Variants in MTA3 observed in about 807,000 individuals in gnomAD.
MTA3 encodes metastasis-associated protein MTA3.
MTA3 carries 34 observed loss-of-function variants against 83.5 expected under a neutral mutation model. The ratio of observed to expected loss-of-function variants is 0.41; its 90% CI spans 0.31 to 0.54. The LOEUF is 0.54. MTA3 is among the 20% of genes least tolerant of loss of function. The pLI is 0.33. For synonymous variants in MTA3, 303 were observed against 252.7 expected (o/e 1.20, Z -1.89); for missense variants, 761 against 726.4 (o/e 1.05, Z -0.55).
chr2:42,629,914 G>A (rs959590161), intron 4 of MTA3, among the ~76,000 whole-genome samples: 1 of 151,992 alleles, frequency 6.6e-6, no homozygotes, highest in African/African-American at 2.4e-5. Context: ...GAGTAGCTGG[G>A]ATTACAGCGG....
chr2:42,672,234 C>T (rs1360563489), intron 8 of MTA3, among the ~76,000 whole-genome samples: 3 of 151,804 alleles, frequency 2.0e-5, no homozygotes, highest in Non-Finnish European at 4.4e-5. Flanking sequence ...TGTTGGTGTA[C>T]ACCTGTAATC....
intron 3 of MTA3, among the ~76,000 whole-genome samples, chr2:42,597,079 T>G (rs921869941): frequency 6.6e-6 from 1 of 151,850 alleles, no homozygotes; most frequent in Non-Finnish European, 1.5e-5. Flanking sequence ...GAATAATTTT[T>G]TTTTTGTATT....
intron 3 of MTA3, among the ~76,000 whole-genome samples, chr2:42,605,213 G>A (rs1683118170): frequency 7.6e-6 from 1 of 132,004 alleles, no homozygotes; most frequent in Non-Finnish European, 1.7e-5. Context: ...GGGCGGGGGG[G>A]CTGACCCCCC....
intron 16 of MTA3, among the ~76,000 whole-genome samples, chr2:42,724,277 AACACACACACACACAC>A (rs34379999): frequency 5.5e-5 from 4 of 73,150 alleles, no homozygotes; most frequent in Non-Finnish European, 7.4e-5. Context: ...AGTCCTGAAA[AACACACACACACACAC>A]ACACACACAC....
chr2:42,523,558 T>C (rs1675528619), intron 2 of MTA3, among the ~76,000 whole-genome samples: 1 of 152,166 alleles, frequency 6.6e-6, no homozygotes, highest in East Asian at 1.9e-4. Flanking sequence ...TCTCAGTTGC[T>C]GTGTGAGACG....
At chr2:42,552,401 T>G (rs184439290) in intron 2 of MTA3, among the ~76,000 whole-genome samples, 2 of 152,272 alleles carry the variant, frequency 1.3e-5, no homozygotes, top group Non-Finnish European at 2.9e-5. Context: ...GAGCAGACTA[T>G]GAAGATGCTT....
intron 8 of MTA3, among the ~76,000 whole-genome samples, chr2:42,667,261 C>G (rs1454519442): frequency 1.3e-5 from 2 of 152,118 alleles, no homozygotes; most frequent in African/African-American, 2.4e-5. Flanking sequence ...AATTTCAAAA[C>G]TCCTTTTCAC....
At chr2:42,685,363 A>T (rs1692276731) in intron 9 of MTA3, among the ~76,000 whole-genome samples, 2 of 152,170 alleles carry the variant, frequency 1.3e-5, no homozygotes, top group South Asian at 4.1e-4. Context: ...AAGATGAAGA[A>T]ATAGACATCA....
intron 2 of MTA3, among the ~76,000 whole-genome samples, chr2:42,551,896 T>A (rs1677125236): frequency 6.6e-6 from 1 of 151,964 alleles, no homozygotes; most frequent in Admixed American, 6.6e-5. Flanking sequence ...CTGGCTAATT[T>A]TTTGTATTTT....
chr2:42,672,253 A>G (rs896083640), intron 8 of MTA3, among the ~76,000 whole-genome samples: 1 of 151,850 alleles, frequency 6.6e-6, no homozygotes, highest in Admixed American at 6.6e-5. Flanking sequence ...TCACAGGTAC[A>G]TGGGAGGCTG....
At position 42,753,808 on chromosome 2, in the gene MTA3, G is replaced by A; in HGVS notation, c.*409G>A. 2 of 1,019,536 alleles carry A rather than the reference G, an allele frequency of 2.0e-6. No individual in the cohort carries two copies. Among genetic ancestry groups the A allele is most frequent in the Non-Finnish European group, 2.3e-6 (2 of 851,608 alleles). The allele number at this position is 1,019,536 out of a possible 1,614,324, so 63.2% of individuals were successfully genotyped here. A position where few individuals can be genotyped will look rare whatever the true frequency, so the allele number is the denominator to read the frequency against. On this transcript the variant is annotated 3_prime_UTR_variant, in exon 17 of 17. Transcript: ENST00000405094. The stretch of plus-strand genomic sequence containing the variant: ...GCTCAGCTCGGTCTTATGCTGTATA[G>A]TTACTAAATATGTACAGGAGGGCCA...
At chr2:42,619,810 T>G (rs1386366995) in intron 4 of MTA3, among the ~76,000 whole-genome samples, 2 of 152,180 alleles carry the variant, frequency 1.3e-5, no homozygotes, top group Non-Finnish European at 2.9e-5. Flanking sequence ...TTACTTACCT[T>G]TTTTCTGTGT....
At chr2:42,582,434 T>C (rs1679774312) in intron 3 of MTA3, among the ~76,000 whole-genome samples, 1 of 152,216 alleles carries the variant, frequency 6.6e-6, no homozygotes, top group African/African-American at 2.4e-5. Flanking sequence ...TATACTTTAA[T>C]ACATTAAATT....
chr2:42,616,520 C>G (rs1684908142), intron 4 of MTA3, among the ~76,000 whole-genome samples: 1 of 117,788 alleles, frequency 8.5e-6, no homozygotes, highest in South Asian at 3.0e-4. Flanking sequence ...TGCTTTTATT[C>G]TTTAAGGAAA....
At chr2:42,652,804 ATAACT>A (rs1314354590) in intron 6 of MTA3, among the ~76,000 whole-genome samples, 1 of 152,176 alleles carries the variant, frequency 6.6e-6, no homozygotes. Flanking sequence ...CTTTTGATTC[ATAACT>A]TAATATGTTG....
In MTA3 at chr2:42,716,010, A is replaced by G. The variant is rs945824631; in HGVS notation, c.1526-2978A>G. 2.0e-5 allele frequency among the ~76,000 whole-genome samples: 3 copies of G among 152,310 alleles called. 1 individual carries two copies. Among genetic ancestry groups the G allele is most frequent in the African/African-American group, 7.2e-5 (3 of 41,582 alleles). On this transcript the variant is annotated intron_variant, in intron 14 of 16. Coordinates refer to ENST00000405094, the MANE Select transcript of MTA3 (RefSeq NM_001330442.2). Reference sequence around the variant, plus strand: ...CAAGAAATTATGTAGTGTTAACTCAATGGTTTGGCAGGCGTTTGATCCTTA... The same window carrying G: ...CAAGAAATTATGTAGTGTTAACTCAGTGGTTTGGCAGGCGTTTGATCCTTA...
chr2:42,651,361 A>G (rs958538995), intron 6 of MTA3, among the ~76,000 whole-genome samples: 7 of 152,342 alleles, frequency 4.6e-5, no homozygotes, highest in African/African-American at 1.4e-4. Context: ...GTAATAAATT[A>G]GCTTGCTCAA....
intron 2 of MTA3, among the ~76,000 whole-genome samples, chr2:42,519,542 G>T (rs1675314526): frequency 6.6e-6 from 1 of 151,170 alleles, no homozygotes; most frequent in Non-Finnish European, 1.5e-5. Context: ...GGAGGCAGAG[G>T]TTGCATTGAG....
intron 3 of MTA3, among the ~76,000 whole-genome samples, chr2:42,601,228 T>C (rs1361909370): frequency 6.6e-6 from 1 of 152,164 alleles, no homozygotes; most frequent in Non-Finnish European, 1.5e-5. Flanking sequence ...ATAAATCAAC[T>C]TGAACTTTGT....
Sources: gnomAD v4.1 joint callset for allele counts (sites outside exome capture counted in the v4.1 genomes callset) on GRCh38, gnomAD v4.1.1 for gene constraint, MANE v1.5 for transcripts, NCBI Gene and HGNC (gene_info 2026-07-23, HGNC 2026-07-21) for gene names.